The following L3MBTL4 variants were observed in gnomAD, a reference collection of about 807,000 sequenced individuals.
L3MBTL4 encodes L3MBTL histone methyl-lysine binding protein 4, also known as lethal(3)malignant brain tumor-like protein 4.
Under a neutral mutation model 84.5 loss-of-function variants are expected in L3MBTL4, and 70 were observed. That is an observed-to-expected ratio of 0.83 (90% CI 0.68 to 1.01). The LOEUF is 1.01. Among genes scored for constraint, L3MBTL4 ranks in the 50% least tolerant of loss-of-function variants. L3MBTL4 has a pLI of 0.00. For missense variants in L3MBTL4, 715 were observed against 754.8 expected, an observed-to-expected ratio of 0.95 and a Z score of 0.62; for synonymous variants, 274 against 259.8, an observed-to-expected ratio of 1.05 and a Z score of -0.52.
chr18:5,996,880 C>A (rs184997163), intron 16 of L3MBTL4, among the ~76,000 whole-genome samples: 8 of 152,036 alleles, frequency 5.3e-5, no homozygotes, highest in Non-Finnish European at 2.9e-5. Flanking sequence ...AAGCTAAAAC[C>A]ACCAATATCA....
chr18:6,041,872 G>T (rs1010175448), intron 16 of L3MBTL4, among the ~76,000 whole-genome samples: 4 of 151,884 alleles, frequency 2.6e-5, no homozygotes, highest in African/African-American at 9.7e-5. Flanking sequence ...CTATAGGTGT[G>T]TGCCACCATG....
At chr18:6,026,834 T>C (rs1216612390) in intron 16 of L3MBTL4, among the ~76,000 whole-genome samples, 3 of 152,180 alleles carry the variant, frequency 2.0e-5, no homozygotes, top group Non-Finnish European at 4.4e-5. Context: ...AGAGGTTAAA[T>C]GGCTTACCAA....
Position 5,969,496 on chromosome 18 carries a change from T to A in L3MBTL4, c.1511A>T (p.His504Leu). The A allele has an allele frequency of 2.5e-6, 4 of 1,613,856 alleles. No individual in the cohort carries two copies. Among genetic ancestry groups the A allele is most frequent in the Non-Finnish European group, 3.4e-6 (4 of 1,179,946 alleles). The change falls in exon 17 of 19, where the codon CAC becomes CTC. Residue 504 changes from histidine (H) to leucine (L), a missense_variant. By Grantham distance (99) the His-to-Leu change is moderately conservative (BLOSUM62 -3). Coordinates refer to ENST00000317931, the MANE Select transcript of L3MBTL4 (RefSeq NM_001330559.2). ...QSVSMSTVSA[H>L]PFRDLPLGRE... ...GCCGAGGGGAAGGTCCCGAAAAGGGTGGGCTGACACCGTGGACATGGACAC... is the reference window on the plus strand; with the variant it reads ...GCCGAGGGGAAGGTCCCGAAAAGGGAGGGCTGACACCGTGGACATGGACAC...
intron 2 of L3MBTL4, 82 bp downstream of exon 2, chr18:6,311,914 TGG>T: frequency 3.3e-6 from 1 of 303,406 alleles, no homozygotes; most frequent in South Asian, 3.9e-5. Context: ...TGGTCTTATC[TGG>T]GATAAAATGT....
chr18:6,326,272 C>T (rs547289415), intron 1 of L3MBTL4, among the ~76,000 whole-genome samples: 26 of 152,240 alleles, frequency 1.7e-4, no homozygotes, highest in East Asian at 1.9e-4. Flanking sequence ...TAAGAATATC[C>T]AAGGCTCAGA....
chr18:6,082,920 A>G (rs1240492507), intron 15 of L3MBTL4, among the ~76,000 whole-genome samples: 1 of 152,166 alleles, frequency 6.6e-6, no homozygotes, highest in African/African-American at 2.4e-5. Flanking sequence ...GGTACATACT[A>G]AGGACTCCTA....
intron 16 of L3MBTL4, among the ~76,000 whole-genome samples, chr18:6,019,993 T>A (rs1394588775): frequency 6.6e-6 from 1 of 152,182 alleles, no homozygotes; most frequent in East Asian, 1.9e-4. Flanking sequence ...CTTGAGTACC[T>A]ACTGTGTGCC....
chr18:6,194,707 C>T (rs1293891357), intron 12 of L3MBTL4, among the ~76,000 whole-genome samples: 1 of 152,176 alleles, frequency 6.6e-6, no homozygotes, highest in Non-Finnish European at 1.5e-5. Context: ...AGCCAGCCCC[C>T]AGCACTCCTT....
At chr18:6,326,868 A>G (rs1487137340) in intron 1 of L3MBTL4, 1 of 152,220 alleles carries the variant, frequency 6.6e-6, no homozygotes, top group African/African-American at 2.4e-5. Context: ...CAGACAGTAC[A>G]TTAAGCATTG....
chr18:6,032,825 C>G (rs1270114515), intron 16 of L3MBTL4, among the ~76,000 whole-genome samples: 2 of 152,192 alleles, frequency 1.3e-5, no homozygotes, highest in African/African-American at 4.8e-5. Flanking sequence ...TTGTTACTGG[C>G]TTATTTCATC....
At chr18:6,116,139 A>G (rs2059352322) in intron 14 of L3MBTL4, among the ~76,000 whole-genome samples, 1 of 152,150 alleles carries the variant, frequency 6.6e-6, no homozygotes, top group Non-Finnish European at 1.5e-5. Flanking sequence ...CAAAATCAAC[A>G]CCAATAGTGC....
At chr18:6,137,300 C>T (rs1028569152) in intron 14 of L3MBTL4, among the ~76,000 whole-genome samples, 1 of 152,160 alleles carries the variant, frequency 6.6e-6, no homozygotes, top group African/African-American at 2.4e-5. Flanking sequence ...TAGATTTACA[C>T]ATATCACATT....
intron 16 of L3MBTL4, among the ~76,000 whole-genome samples, chr18:6,072,676 T>TAA (rs1333016158): frequency 6.6e-5 from 9 of 135,948 alleles, no homozygotes; most frequent in South Asian, 2.3e-4. Context: ...CTGTCTCTAC[T>TAA]AAAAAACACA....
At chr18:6,054,150 A>G (rs752983105) in intron 16 of L3MBTL4, among the ~76,000 whole-genome samples, 1 of 152,076 alleles carries the variant, frequency 6.6e-6, no homozygotes, top group Admixed American at 6.5e-5. Context: ...TCTTTACAGC[A>G]CTGTAGATCT....
At chr18:6,363,011 T>G (rs1459979763) in intron 1 of L3MBTL4, among the ~76,000 whole-genome samples, 1 of 152,180 alleles carries the variant, frequency 6.6e-6, no homozygotes, top group East Asian at 1.9e-4. Context: ...ACTTTTCCCA[T>G]AGCTCCTGTG....
At chr18:6,110,986 C>A (rs975909215) in intron 14 of L3MBTL4, among the ~76,000 whole-genome samples, 1 of 152,068 alleles carries the variant, frequency 6.6e-6, no homozygotes, top group African/African-American at 2.4e-5. Context: ...TCCTCCCACC[C>A]CCCAGGTCCT....
At chr18:6,019,307 A>G (rs9957916) in intron 16 of L3MBTL4, among the ~76,000 whole-genome samples, 91,977 of 152,036 alleles carry the variant, frequency 0.6, 29,113 homozygotes, top group Non-Finnish European at 0.71. Context: ...TAATTCCCTA[A>G]GTTGTGGTAA....
At chr18:6,258,012 G>A (rs1469954107) in intron 5 of L3MBTL4, among the ~76,000 whole-genome samples, 1 of 152,180 alleles carries the variant, frequency 6.6e-6, no homozygotes, top group Non-Finnish European at 1.5e-5. Context: ...AACTGATGGA[G>A]TAAGATCTCT....
chr18:6,246,294 A>T (rs562373597), intron 5 of L3MBTL4, among the ~76,000 whole-genome samples: 2 of 152,300 alleles, frequency 1.3e-5, no homozygotes, highest in Admixed American at 6.5e-5. Context: ...TTCACATAAA[A>T]CTGCCAATAT....
Sources: gnomAD v4.1 joint callset for allele counts (sites outside exome capture counted in the v4.1 genomes callset) on GRCh38, gnomAD v4.1.1 for gene constraint, MANE v1.5 for transcripts, NCBI Gene and HGNC (gene_info 2026-07-23, HGNC 2026-07-21) for gene names.